The following TMC1 variants were observed in gnomAD, a reference collection of about 807,000 sequenced individuals.
The protein encoded by TMC1 is transmembrane channel-like protein 1.
TMC1 carries 84 observed loss-of-function variants against 105.8 expected under a neutral mutation model. The ratio of observed to expected loss-of-function variants is 0.79; its 90% CI spans 0.67 to 0.95. The LOEUF (loss-of-function observed/expected upper bound fraction) is 0.95. TMC1 is among the 40% of genes least tolerant of loss of function. TMC1 has a pLI of 0.00. For missense variants in TMC1, 817 were observed against 914.1 expected, an observed-to-expected ratio of 0.89 and a Z score of 1.37; for synonymous variants, 315 against 311.5, an observed-to-expected ratio of 1.01 and a Z score of -0.12.
intron 5 of TMC1, among the ~76,000 whole-genome samples, chr9:72,672,274 T>C (rs1826135721): frequency 6.7e-6 from 1 of 150,134 alleles, no homozygotes; most frequent in Non-Finnish European, 1.5e-5. Flanking sequence ...TTTTTTATTG[T>C]CTCGCTGACT....
At chr9:72,667,947 G>A (rs769249309) in intron 5 of TMC1, among the ~76,000 whole-genome samples, 1 of 152,130 alleles carries the variant, frequency 6.6e-6, no homozygotes, top group Non-Finnish European at 1.5e-5. Context: ...TGCCTGGAAT[G>A]TCTTCTTTCT....
intron 4 of TMC1, among the ~76,000 whole-genome samples, chr9:72,630,157 C>G (rs1310780408): frequency 6.6e-6 from 1 of 152,112 alleles, no homozygotes; most frequent in Non-Finnish European, 1.5e-5. Context: ...TGAGCTACCA[C>G]GCCTGGCCTG....
At chr9:72,594,313 A>C (rs1277380840) in intron 2 of TMC1, among the ~76,000 whole-genome samples, 1 of 152,198 alleles carries the variant, frequency 6.6e-6, no homozygotes, top group Non-Finnish European at 1.5e-5. Flanking sequence ...AATTGTGGGA[A>C]TTCACTAGGG....
intron 4 of TMC1, among the ~76,000 whole-genome samples, chr9:72,633,207 G>A (rs1476834345): frequency 3.9e-5 from 6 of 152,132 alleles, no homozygotes; most frequent in African/African-American, 7.2e-5. Context: ...TGCTTAAAGG[G>A]AAAGCTTGGC....
At chr9:72,618,889 G>A (rs1272180324) in intron 3 of TMC1, among the ~76,000 whole-genome samples, 1 of 152,084 alleles carries the variant, frequency 6.6e-6, no homozygotes, top group Non-Finnish European at 1.5e-5. Context: ...CTCATAATGT[G>A]TTTTCTTTTA....
intron 1 of TMC1, among the ~76,000 whole-genome samples, chr9:72,528,743 C>T (rs915571886): frequency 2.0e-5 from 3 of 152,118 alleles, no homozygotes; most frequent in Admixed American, 2.0e-4. Context: ...ATGTCCTGCT[C>T]CCACTATTTT....
At chr9:72,656,066 C>G in intron 5 of TMC1, 2 of 707,226 alleles carry the variant, frequency 2.8e-6, no homozygotes, top group Non-Finnish European at 5.2e-6. Flanking sequence ...TTTTCCTTTG[C>G]TCCTCTGATC....
At chr9:72,753,322 A>G (rs1827614919) in intron 11 of TMC1, among the ~76,000 whole-genome samples, 1 of 106,276 alleles carries the variant, frequency 9.4e-6, no homozygotes, top group South Asian at 2.8e-4. Flanking sequence ...TACCTTTCTA[A>G]GGAAATCTGA....
At chr9:72,788,997 T>C in intron 14 of TMC1, 126 bp from the exon 15 acceptor site, 3 of 945,922 alleles carry the variant, frequency 3.2e-6, no homozygotes, top group Non-Finnish European at 4.9e-6. Context: ...TCAGATTTAG[T>C]TTACATTGTC....
At chr9:72,797,640 T>C (rs1284242023) in intron 17 of TMC1, among the ~76,000 whole-genome samples, 1 of 152,190 alleles carries the variant, frequency 6.6e-6, no homozygotes, top group Admixed American at 6.5e-5. Context: ...ATTTAATAAA[T>C]GTTACTGGGA....
At chr9:72,567,646 G>A (rs1194183667) in intron 1 of TMC1, among the ~76,000 whole-genome samples, 1 of 152,072 alleles carries the variant, frequency 6.6e-6, no homozygotes, top group African/African-American at 2.4e-5. Flanking sequence ...AACAGCACGG[G>A]GGAAACCGCC....
chr9:72,725,345 A>G lies in TMC1; in HGVS notation c.363-14774A>G, dbSNP rs1465332366. Among the ~76,000 whole-genome samples the G allele has an allele frequency of 6.9e-3, 653 of 95,144 alleles. 15 individuals carry two copies. Among genetic ancestry groups the G allele is most frequent in the African/African-American group, 0.026 (619 of 23,450 alleles). The allele number at this position is 95,144 out of a possible 152,430, so 62.4% of individuals were successfully genotyped here. ...TGTATGTATATATATATATATATAT[A>G]TATATATATATATATATATATATGT... On this transcript the variant is annotated intron_variant, in intron 8 of 23. Coordinates refer to ENST00000297784, the MANE Select transcript of TMC1 (RefSeq NM_138691.3).
At chr9:72,757,583 A>G (rs893864867) in intron 12 of TMC1, among the ~76,000 whole-genome samples, 6 of 152,198 alleles carry the variant, frequency 3.9e-5, no homozygotes, top group Non-Finnish European at 5.9e-5. Flanking sequence ...CACAACATTC[A>G]TTTAGTTTCA....
At chr9:72,583,573 C>T (rs1330861994) in intron 2 of TMC1, among the ~76,000 whole-genome samples, 1 of 152,174 alleles carries the variant, frequency 6.6e-6, no homozygotes, top group Non-Finnish European at 1.5e-5. Context: ...GCTTTTGTTT[C>T]AAAAGGAAGT....
At chr9:72,833,418 T>C (rs1211151467) in intron 23 of TMC1, among the ~76,000 whole-genome samples, 1 of 152,230 alleles carries the variant, frequency 6.6e-6, no homozygotes, top group Non-Finnish European at 1.5e-5. Flanking sequence ...TAGAGAAATC[T>C]TTCCCAGAAT....
intron 7 of TMC1, among the ~76,000 whole-genome samples, chr9:72,695,471 G>A (rs182612600): frequency 6.6e-5 from 10 of 152,232 alleles, no homozygotes; most frequent in African/African-American, 2.4e-4. Context: ...TAATTAAAGA[G>A]AAAACCTAGA....
intron 8 of TMC1, among the ~76,000 whole-genome samples, chr9:72,725,912 G>C (rs1194007461): frequency 1.3e-4 from 20 of 151,858 alleles, no homozygotes; most frequent in Admixed American, 1.3e-3. Context: ...GGATGGTCTC[G>C]ATCTCCTGAC....
chr9:72,616,560 T>C (rs891353518), intron 3 of TMC1, 83 bp downstream of exon 3: 3 of 147,600 alleles, frequency 2.0e-5, no homozygotes, highest in Admixed American at 1.4e-4. Context: ...TTAGTACTAA[T>C]GTACAATCAA....
At chr9:72,585,685 T>G (rs1270831454) in intron 2 of TMC1, among the ~76,000 whole-genome samples, 2 of 152,154 alleles carry the variant, frequency 1.3e-5, no homozygotes, top group Admixed American at 6.5e-5. Context: ...TACGGAGACT[T>G]CTCCTGGGAG....
Sources: gnomAD v4.1 joint callset for allele counts (sites outside exome capture counted in the v4.1 genomes callset) on GRCh38, gnomAD v4.1.1 for gene constraint, MANE v1.5 for transcripts, NCBI Gene and HGNC (gene_info 2026-07-23, HGNC 2026-07-21) for gene names.